CCDC196: variants seen among roughly 807,000 people sequenced by gnomAD.
The protein encoded by CCDC196 is coiled-coil domain containing 196, also known as coiled-coil domain-containing protein 196.
chr14:66,490,241 TCAACTTTCC>T (rs2057505134), intron 4 of CCDC196, among the ~76,000 whole-genome samples: 1 of 152,140 alleles, frequency 6.6e-6, no homozygotes, highest in African/African-American at 2.4e-5. Flanking sequence ...TAACCTGTGA[TCAACTTTCC>T]CTACTCATAT....
chr14:66,498,285 T>C (rs977099279), intron 9 of CCDC196, 68 bp from the exon 10 acceptor site: 6 of 412,462 alleles, frequency 1.5e-5, no homozygotes, highest in African/African-American at 1.2e-4. Flanking sequence ...TTTTAGGGGA[T>C]TTGCAGAGTG....
chr14:66,492,333 C>A, intron 8 of CCDC196, 139 bp downstream of exon 8: 3 of 328,918 alleles, frequency 9.1e-6, no homozygotes, highest in Non-Finnish European at 1.5e-5. Context: ...TTAATTTTTT[C>A]ATTATCTTTT....
intron 6 of CCDC196, 98 bp from the exon 7 acceptor site, chr14:66,491,528 G>A (rs755550442): frequency 1.0e-4 from 42 of 412,068 alleles, no homozygotes; most frequent in East Asian, 3.2e-4. Context: ...GTAAATCTGC[G>A]ACACTATAAT....
intron 8 of CCDC196, among the ~76,000 whole-genome samples, chr14:66,494,493 T>C (rs1773495944): frequency 6.6e-6 from 1 of 152,234 alleles, no homozygotes; most frequent in South Asian, 2.1e-4. Flanking sequence ...CAACTTTGTG[T>C]ATCACCTGGA....
chr14:66,496,660 A>T (rs968649719), intron 8 of CCDC196: 1 of 231,644 alleles, frequency 4.3e-6, no homozygotes, highest in African/African-American at 2.2e-5. Flanking sequence ...CACCTATCTT[A>T]GAGAGCACAG....
intron 8 of CCDC196, among the ~76,000 whole-genome samples, chr14:66,493,337 C>T (rs1460509503): frequency 6.6e-6 from 1 of 152,116 alleles, no homozygotes. Context: ...AAATTTGGTT[C>T]TGAATTTTCC....
intron 8 of CCDC196, among the ~76,000 whole-genome samples, chr14:66,493,337 C>A (rs1460509503): frequency 1.3e-5 from 2 of 152,116 alleles, no homozygotes; most frequent in African/African-American, 4.8e-5. Flanking sequence ...AAATTTGGTT[C>A]TGAATTTTCC....
intron 8 of CCDC196, chr14:66,496,413 C>T (rs1463881316): frequency 6.6e-6 from 3 of 454,740 alleles, no homozygotes; most frequent in African/African-American, 6.0e-5. Flanking sequence ...CTTGTGAATT[C>T]CCTTGATGCC....
Position 66,491,046 on chromosome 14 carries a change from G to A in CCDC196, c.455G>A (p.Arg152Lys). The stretch of plus-strand genomic sequence containing the variant: ...GCTCCCAAATCCCCCTCATCACCTA[G>A]GAAGACTGAGAGTGAACTGGAGAAA... The part of the protein sequence containing the change: ...GKAPKSPSSP[R>K]KTESELEKSF... The change falls in exon 6 of 10, where the codon AGG becomes AAG. Residue 152 changes from arginine (R) to lysine (K), a missense_variant. Physicochemically the swap from Arg to Lys is conservative, Grantham distance 26. Coordinates refer to ENST00000636229, the MANE Select transcript of CCDC196 (RefSeq NM_001351576.1). 2.4e-6 allele frequency: 1 copy of A among 413,362 alleles called. No individual in the cohort carries two copies. The highest frequency in any genetic ancestry group is 3.6e-5 in the East Asian group (1 of 28,094). 25.6% of individuals were successfully genotyped at this position (413,362 alleles called of 1,614,324 possible).
Position 66,486,530 on chromosome 14 carries a change from T to C in CCDC196, c.28T>C (p.Ser10Pro). 2 of 413,036 alleles carry C rather than the reference T, an allele frequency of 4.8e-6. No homozygotes were observed. The highest frequency in any genetic ancestry group is 8.8e-6 in the Non-Finnish European group (2 of 226,096). 25.6% of individuals were successfully genotyped at this position (413,036 alleles called of 1,614,324 possible). A position where few individuals can be genotyped will look rare whatever the true frequency, so the allele number is the denominator to read the frequency against. The change falls in exon 1 of 10, where the codon TCT becomes CCT. Residue 10 changes from serine (S) to proline (P), a missense_variant. Ser to Pro is a moderately conservative substitution (Grantham distance 74, BLOSUM62 -1). Coordinates refer to ENST00000636229, the MANE Select transcript of CCDC196 (RefSeq NM_001351576.1). ...GACAAGTGGTGCAAACTCTTCAGGA[T>C]CTTACCTGCCCTCAGAAATAAGGTG... MTSGANSSG[S>P]YLPSEIRSSK...
At chr14:66,494,075 T>G (rs1001836579) in intron 8 of CCDC196, 3 of 152,230 alleles carry the variant, frequency 2.0e-5, no homozygotes, top group Non-Finnish European at 4.4e-5. Flanking sequence ...CAACTTTGAA[T>G]TGGAACAGCC....
rs1293968765 is a variant in CCDC196 at position 66,498,457 on chromosome 14, A to T, written c.879A>T (p.Glu293Asp). 2.4e-6 allele frequency: 1 copy of T among 413,418 alleles called. No homozygotes were observed. Among genetic ancestry groups the T allele is most frequent in the Admixed American group, 4.4e-5 (1 of 22,712 alleles). The allele number at this position is 413,418 out of a possible 1,614,324, so 25.6% of individuals were successfully genotyped here. A position where few individuals can be genotyped will look rare whatever the true frequency, so the allele number is the denominator to read the frequency against. ...TTTTTCTGAGGTCATTGCCAGATGAAGCACTGAAGAATTAGCAGGCTTTCG... is the reference window on the plus strand; with the variant it reads ...TTTTTCTGAGGTCATTGCCAGATGATGCACTGAAGAATTAGCAGGCTTTCG... ...RLFFLRSLPD[E>D]ALKN The change falls in exon 10 of 10, where the codon GAA (glutamate) becomes GAT (aspartate). Residue 293 changes from glutamate to aspartate, a missense_variant. Transcript: ENST00000636229.
chr14:66,492,697 G>A (rs545301097), intron 8 of CCDC196: 1 of 152,722 alleles, frequency 6.5e-6, no homozygotes, highest in African/African-American at 2.4e-5. Flanking sequence ...CTCTCTGGGA[G>A]AACTGTTTTC....
At chr14:66,497,518 T>C (rs1328461968) in intron 8 of CCDC196, among the ~76,000 whole-genome samples, 2 of 152,182 alleles carry the variant, frequency 1.3e-5, no homozygotes, top group African/African-American at 4.8e-5. Flanking sequence ...ATTTTTAGTA[T>C]AAGTGTGTCC....
At chr14:66,487,741 G>A (rs2057441538) in intron 2 of CCDC196, among the ~76,000 whole-genome samples, 2 of 152,264 alleles carry the variant, frequency 1.3e-5, no homozygotes, top group South Asian at 2.1e-4. Context: ...GGAAGTGGGA[G>A]AAAGTGGACA....
At chr14:66,491,799 T>A (rs779144248) in intron 7 of CCDC196, 114 bp downstream of exon 7, 47 of 412,064 alleles carry the variant, frequency 1.1e-4, no homozygotes, top group Non-Finnish European at 1.7e-4. Context: ...CCGATTGCCC[T>A]GCTAAAACAA....
intron 7 of CCDC196, 69 bp from the exon 8 acceptor site, chr14:66,491,984 G>T (rs2057550659): frequency 2.4e-6 from 1 of 410,930 alleles, no homozygotes; most frequent in African/African-American, 2.1e-5. Context: ...GGGTAAAGAG[G>T]ATTCAGGTAA....
At chr14:66,492,488 C>T (rs375147576) in intron 8 of CCDC196, among the ~76,000 whole-genome samples, 184 of 152,002 alleles carry the variant, frequency 1.2e-3, no homozygotes, top group African/African-American at 4.1e-3. Flanking sequence ...ATTACAGGCA[C>T]GCACCACCAT....
intron 8 of CCDC196, chr14:66,496,957 C>A (rs1270248170): frequency 6.6e-6 from 1 of 152,290 alleles, no homozygotes; most frequent in Non-Finnish European, 1.5e-5. Context: ...TTCTCTAACT[C>A]CTTCTGTTCT....
Sources: allele counts gnomAD v4.1 joint callset (sites outside exome capture counted in the v4.1 genomes callset), GRCh38; gene constraint gnomAD v4.1.1; transcripts MANE v1.5; gene names NCBI Gene and HGNC (gene_info 2026-07-23, HGNC 2026-07-21).